TMEM163: variants seen among roughly 807,000 people sequenced by gnomAD.
The protein encoded by TMEM163 is transmembrane protein 163.
Under a neutral mutation model 29.3 loss-of-function variants are expected in TMEM163, and 17 were observed. The ratio of observed to expected loss-of-function variants is 0.58; its 90% CI spans 0.40 to 0.87. The LOEUF (loss-of-function observed/expected upper bound fraction) is 0.87, where lower values mean the gene tolerates loss of function less well. TMEM163 is among the 40% of genes least tolerant of loss of function. The pLI is 0.00. For missense variants in TMEM163, 303 were observed against 381.5 expected, an observed-to-expected ratio of 0.79 and a Z score of 1.71; for synonymous variants, 157 against 160.6, an observed-to-expected ratio of 0.98 and a Z score of 0.17.
intron 2 of TMEM163, among the ~76,000 whole-genome samples, chr2:134,625,489 C>T (rs565386955): frequency 6.6e-6 from 1 of 152,146 alleles, no homozygotes; most frequent in Non-Finnish European, 1.5e-5. Flanking sequence ...ACAAGTCATA[C>T]GCAGTTCTGA....
chr2:134,647,550 T>C (rs1169764174), intron 2 of TMEM163, among the ~76,000 whole-genome samples: 1 of 152,202 alleles, frequency 6.6e-6, no homozygotes, highest in Non-Finnish European at 1.5e-5. Context: ...ATATAAATTG[T>C]GGAGGTTATA....
intron 2 of TMEM163, among the ~76,000 whole-genome samples, chr2:134,675,310 A>G (rs1178752336): frequency 6.6e-6 from 1 of 152,250 alleles, no homozygotes; most frequent in Non-Finnish European, 1.5e-5. Flanking sequence ...TTAATAAAAA[A>G]TAATCAACAA....
At chr2:134,579,425 T>C (rs192770959) in intron 2 of TMEM163, among the ~76,000 whole-genome samples, 1 of 152,324 alleles carries the variant, frequency 6.6e-6, no homozygotes, top group Admixed American at 6.5e-5. Flanking sequence ...TCCATGATTT[T>C]TTAAAAACAA....
chr2:134,471,231 C>T (rs554897347), intron 5 of TMEM163, among the ~76,000 whole-genome samples: 2 of 152,320 alleles, frequency 1.3e-5, no homozygotes, highest in East Asian at 1.9e-4. Flanking sequence ...TGTGTTCCTA[C>T]AAAATTCATA....
intron 2 of TMEM163, among the ~76,000 whole-genome samples, chr2:134,563,145 C>A (rs1258247664): frequency 2.6e-5 from 4 of 152,214 alleles, no homozygotes; most frequent in African/African-American, 9.6e-5. Flanking sequence ...CGTGCTCAGA[C>A]AGACACCGAT....
At chr2:134,552,835 T>C (rs559798856) in intron 2 of TMEM163, among the ~76,000 whole-genome samples, 7 of 151,882 alleles carry the variant, frequency 4.6e-5, no homozygotes, top group Non-Finnish European at 7.4e-5. Flanking sequence ...CTAATTTTTA[T>C]TTTTAGCAGA....
chr2:134,535,735 T>TC (rs1680523843), intron 4 of TMEM163, among the ~76,000 whole-genome samples: 1 of 151,770 alleles, frequency 6.6e-6, no homozygotes, highest in African/African-American at 2.4e-5. Context: ...TTTTGTTTGT[T>TC]TGTTTTTTTT....
intron 2 of TMEM163, among the ~76,000 whole-genome samples, chr2:134,701,615 G>A (rs1458035156): frequency 6.6e-6 from 1 of 152,132 alleles, no homozygotes; most frequent in African/African-American, 2.4e-5. Context: ...ACTCAAAGTG[G>A]CTAAGAGTTT....
intron 2 of TMEM163, among the ~76,000 whole-genome samples, chr2:134,638,553 C>T (rs1333041763): frequency 1.3e-5 from 2 of 152,040 alleles, no homozygotes; most frequent in Non-Finnish European, 2.9e-5. Context: ...GAGGCGCTAG[C>T]AATGTGCTGG....
chr2:134,669,688 A>G (rs183812606), intron 2 of TMEM163, among the ~76,000 whole-genome samples: 1 of 152,314 alleles, frequency 6.6e-6, no homozygotes, highest in East Asian at 1.9e-4. Flanking sequence ...ATGTGGCAAA[A>G]GTGATGCAGC....
At chr2:134,528,811 A>G (rs1680350055) in intron 4 of TMEM163, among the ~76,000 whole-genome samples, 1 of 152,248 alleles carries the variant, frequency 6.6e-6, no homozygotes, top group African/African-American at 2.4e-5. Flanking sequence ...AATCAGACAC[A>G]AGATTGTATA....
intron 4 of TMEM163, among the ~76,000 whole-genome samples, chr2:134,516,608 C>T (rs938988805): frequency 2.7e-5 from 4 of 147,680 alleles, no homozygotes; most frequent in Middle Eastern, 3.6e-3. Context: ...TATATATGTT[C>T]ATAAATATTC....
chr2:134,477,875 T>G (rs1284894389), intron 5 of TMEM163, among the ~76,000 whole-genome samples: 1 of 152,080 alleles, frequency 6.6e-6, no homozygotes, highest in Non-Finnish European at 1.5e-5. Flanking sequence ...GTTGATATGG[T>G]TTGGATGTTT....
At chr2:134,564,368 T>G (rs1392246875) in intron 2 of TMEM163, among the ~76,000 whole-genome samples, 1 of 152,094 alleles carries the variant, frequency 6.6e-6, no homozygotes, top group African/African-American at 2.4e-5. Context: ...CCTTACTCCA[T>G]ATAGAGAAAA....
chr2:134,509,502 A>G (rs1174315042), intron 4 of TMEM163, among the ~76,000 whole-genome samples: 1 of 152,232 alleles, frequency 6.6e-6, no homozygotes, highest in African/African-American at 2.4e-5. Flanking sequence ...CCAGGTCTAC[A>G]TGCCAGTCTC....
chr2:134,685,178 C>T (rs898514663), intron 2 of TMEM163, among the ~76,000 whole-genome samples: 2 of 152,168 alleles, frequency 1.3e-5, no homozygotes, highest in South Asian at 2.1e-4. Context: ...AAGATCCTGG[C>T]TGAGTCAGCT....
intron 2 of TMEM163, among the ~76,000 whole-genome samples, chr2:134,668,580 G>A (rs1204821075): frequency 1.3e-5 from 2 of 150,870 alleles, no homozygotes; most frequent in African/African-American, 2.4e-5. Flanking sequence ...AGCTGAGACC[G>A]TGCCATTGCA....
At chr2:134,612,418 G>C (rs1024192923) in intron 2 of TMEM163, among the ~76,000 whole-genome samples, 5 of 152,138 alleles carry the variant, frequency 3.3e-5, no homozygotes, top group Non-Finnish European at 5.9e-5. Context: ...CTGTGTGAAA[G>C]CTCAGGAAAG....
chr2:134,638,263 G>A (rs1424458560), intron 2 of TMEM163, among the ~76,000 whole-genome samples: 1 of 152,158 alleles, frequency 6.6e-6, no homozygotes, highest in Non-Finnish European at 1.5e-5. Context: ...TGGTTATAGA[G>A]GTTATTACCC....
Sources: gnomAD v4.1 joint callset for allele counts (sites outside exome capture counted in the v4.1 genomes callset) on GRCh38, gnomAD v4.1.1 for gene constraint, MANE v1.5 for transcripts, NCBI Gene and HGNC (gene_info 2026-07-23, HGNC 2026-07-21) for gene names.